The following FBXO25 variants were observed in gnomAD, a reference collection of about 807,000 sequenced individuals.
FBXO25 encodes the protein F-box protein 25.
FBXO25 carries 45 observed loss-of-function variants against 51.9 expected under a neutral mutation model. The ratio of observed to expected loss-of-function variants is 0.87; its 90% CI spans 0.68 to 1.11. FBXO25 has a LOEUF of 1.11. FBXO25 is among the 50% of genes most tolerant of loss of function. FBXO25 has a pLI of 0.00. For synonymous variants in FBXO25, 199 were observed against 151.0 expected, an observed-to-expected ratio of 1.32 and a Z score of -2.33; for missense variants, 507 against 428.5, an observed-to-expected ratio of 1.18 and a Z score of -1.62.
At chr8:430,478 G>T (rs1418523051) in intron 2 of FBXO25, among the ~76,000 whole-genome samples, 1 of 152,034 alleles carries the variant, frequency 6.6e-6, no homozygotes, top group East Asian at 1.9e-4. Context: ...ACTGGTGAGT[G>T]GAAAGGGGCT....
At chr8:408,314 G>A (rs1387959162) in intron 1 of FBXO25, among the ~76,000 whole-genome samples, 1 of 142,242 alleles carries the variant, frequency 7.0e-6, no homozygotes, top group African/African-American at 2.5e-5. Context: ...TTAGTGATCT[G>A]TAATAGACGG....
intron 8 of FBXO25, 44 bp downstream of exon 8, chr8:458,595 G>A: frequency 6.3e-7 from 1 of 1,592,290 alleles, no homozygotes; most frequent in South Asian, 1.1e-5. Context: ...GGAGTTTATA[G>A]ACTCTGCCTG....
At chr8:427,299 G>A (rs2117573223) in intron 2 of FBXO25, among the ~76,000 whole-genome samples, 1 of 151,972 alleles carries the variant, frequency 6.6e-6, no homozygotes, top group East Asian at 1.9e-4. Flanking sequence ...GGAGGCCAGG[G>A]TGGGAATTAT....
At chr8:445,265 T>C (rs1426214420) in intron 5 of FBXO25, among the ~76,000 whole-genome samples, 1 of 151,704 alleles carries the variant, frequency 6.6e-6, no homozygotes, top group Non-Finnish European at 1.5e-5. Context: ...ATTTCAGTCT[T>C]TTTAAAAGGA....
Position 475,879 on chromosome 8 carries a change from T to G in FBXO25, c.*7075T>G, listed in dbSNP as rs1362261827. 6.6e-6 allele frequency: 1 copy of G among 152,160 alleles called. No individual in the cohort carries two copies. The highest frequency in any genetic ancestry group is 2.4e-5 in the African/African-American group (1 of 41,458). The allele number at this position is 152,160 out of a possible 1,614,324, so 9.4% of individuals were successfully genotyped here. On this transcript the variant is annotated 3_prime_UTR_variant, in exon 10 of 10. Coordinates refer to ENST00000350302, the MANE Select transcript of FBXO25 (RefSeq NM_183420.2). ...TCTTCCTTTCCAGTCTGGATGCCTT[T>G]TATTTCTTTTTCTTGCCTAACTGCT...
intron 7 of FBXO25, among the ~76,000 whole-genome samples, chr8:455,955 C>G (rs1371211802): frequency 6.6e-6 from 1 of 152,206 alleles, no homozygotes; most frequent in Non-Finnish European, 1.5e-5. Flanking sequence ...CCAGAAATCC[C>G]AAATGCTGAG....
rs1323789323 is a variant in FBXO25 at position 476,837 on chromosome 8, C to A, written c.*8033C>A. 1 of 152,070 alleles carries A rather than the reference C, an allele frequency of 6.6e-6. No homozygotes were observed. Among genetic ancestry groups the A allele is most frequent in the Non-Finnish European group, 1.5e-5 (1 of 68,020 alleles). The allele number at this position is 152,070 out of a possible 1,614,324, so 9.4% of individuals were successfully genotyped here. A position where few individuals can be genotyped will look rare whatever the true frequency, so the allele number is the denominator to read the frequency against. ...TATTATTATTATAATCATCTCCATT[C>A]TGCTGGCTTTGGGTTGATTGCTCTT... On this transcript the variant is annotated 3_prime_UTR_variant, in exon 10 of 10. Transcript: ENST00000350302.
At chr8:416,594 G>A (rs1796817083) in intron 2 of FBXO25, among the ~76,000 whole-genome samples, 1 of 152,172 alleles carries the variant, frequency 6.6e-6, no homozygotes, top group African/African-American at 2.4e-5. Flanking sequence ...GAAGGACACA[G>A]CTTTCCCCAC....
intron 5 of FBXO25, among the ~76,000 whole-genome samples, chr8:446,333 G>T (rs188198610): frequency 6.6e-6 from 1 of 152,102 alleles, no homozygotes; most frequent in Non-Finnish European, 1.5e-5. Flanking sequence ...TTCCTTTGAG[G>T]AATAAAAGAT....
At chr8:433,250 G>A (rs553176260) in intron 4 of FBXO25, among the ~76,000 whole-genome samples, 1 of 152,072 alleles carries the variant, frequency 6.6e-6, no homozygotes, top group South Asian at 2.1e-4. Context: ...GCAGATACTG[G>A]TGTGTGGGAT....
intron 4 of FBXO25, among the ~76,000 whole-genome samples, chr8:434,672 A>AT (rs1401228047): frequency 6.6e-6 from 1 of 151,896 alleles, no homozygotes; most frequent in Admixed American, 6.6e-5. Flanking sequence ...GTTTTCTATT[A>AT]TTTTTTTCTA....
In FBXO25 at chr8:475,568, T is replaced by A. The variant is rs1191796965; in HGVS notation, c.*6764T>A. On this transcript the variant is annotated 3_prime_UTR_variant, in exon 10 of 10. Coordinates refer to ENST00000350302, the MANE Select transcript of FBXO25 (RefSeq NM_183420.2). ...CCATAAACACGGGATTGCTTTCTAT[T>A]TATTTGTGTTGACCTTACTTTCTTT... 6.6e-6 allele frequency: 1 copy of A among 152,198 alleles called. No individual in the cohort carries two copies. Among genetic ancestry groups the A allele is most frequent in the Non-Finnish European group, 1.5e-5 (1 of 68,030 alleles). The allele number at this position is 152,198 out of a possible 1,614,324, so 9.4% of individuals were successfully genotyped here. A position where few individuals can be genotyped will look rare whatever the true frequency, so the allele number is the denominator to read the frequency against.
In FBXO25 at chr8:477,224, C is replaced by T. The variant is rs1585123094; in HGVS notation, c.*8420C>T. On this transcript the variant is annotated 3_prime_UTR_variant, in exon 10 of 10. Coordinates refer to ENST00000350302, the MANE Select transcript of FBXO25 (RefSeq NM_183420.2). ...CATACTGTCTATCCTAGAGAAAGGTCCATTTGCACTTGAGAAAAACGTGTG... is the reference window on the plus strand; with the variant it reads ...CATACTGTCTATCCTAGAGAAAGGTTCATTTGCACTTGAGAAAAACGTGTG... The T allele has an allele frequency of 6.6e-6, 1 of 152,306 alleles. No homozygotes were observed. Among genetic ancestry groups the T allele is most frequent in the Admixed American group, 6.5e-5 (1 of 15,304 alleles). 9.4% of individuals were successfully genotyped at this position (152,306 alleles called of 1,614,324 possible). A position where few individuals can be genotyped will look rare whatever the true frequency, so the allele number is the denominator to read the frequency against.
At chr8:435,554 C>G in intron 4 of FBXO25, 61 bp from the exon 5 acceptor site, 10 of 1,570,354 alleles carry the variant, frequency 6.4e-6, no homozygotes, top group Non-Finnish European at 7.7e-6. Context: ...AATTAATTGA[C>G]ATTAACTGCC....
At chr8:416,359 C>G (rs1334004397) in intron 2 of FBXO25, among the ~76,000 whole-genome samples, 3 of 152,260 alleles carry the variant, frequency 2.0e-5, no homozygotes, top group Non-Finnish European at 4.4e-5. Context: ...GACTTTTTCT[C>G]AGAACCTTAG....
chr8:430,839 G>A (rs1797781250), intron 2 of FBXO25, among the ~76,000 whole-genome samples: 1 of 152,270 alleles, frequency 6.6e-6, no homozygotes, highest in African/African-American at 2.4e-5. Context: ...CCTGGTTCCA[G>A]TTAAATGTGT....
Position 474,804 on chromosome 8 carries a change from C to G in FBXO25, c.*6000C>G, listed in dbSNP as rs1440381993. 7.2e-6 allele frequency: 3 copies of G among 414,468 alleles called. No homozygotes were observed. The highest frequency in any genetic ancestry group is 2.1e-5 in the African/African-American group (1 of 47,608). 25.7% of individuals were successfully genotyped at this position (414,468 alleles called of 1,614,324 possible). A position where few individuals can be genotyped will look rare whatever the true frequency, so the allele number is the denominator to read the frequency against. On this transcript the variant is annotated 3_prime_UTR_variant, in exon 10 of 10. Transcript: ENST00000350302. ...CCCATTCCGTGGATTGCCTTTCACTCTGTTTTGTTCTTTGATGTACAGAAG... is the reference window on the plus strand; with the variant it reads ...CCCATTCCGTGGATTGCCTTTCACTGTGTTTTGTTCTTTGATGTACAGAAG...
At chr8:461,183 C>G (rs1196853143) in intron 8 of FBXO25, among the ~76,000 whole-genome samples, 1 of 152,210 alleles carries the variant, frequency 6.6e-6, no homozygotes, top group African/African-American at 2.4e-5. Context: ...CTCTGTAATA[C>G]TGATGTTTTT....
intron 1 of FBXO25, among the ~76,000 whole-genome samples, chr8:409,020 A>G (rs1396716258): frequency 6.6e-6 from 1 of 152,204 alleles, no homozygotes; most frequent in Non-Finnish European, 1.5e-5. Flanking sequence ...TTTTAGCTGA[A>G]CAAATACATT....
Sources: allele counts gnomAD v4.1 joint callset (sites outside exome capture counted in the v4.1 genomes callset), GRCh38; gene constraint gnomAD v4.1.1; transcripts MANE v1.5; gene names NCBI Gene and HGNC (gene_info 2026-07-23, HGNC 2026-07-21).